Variants in SPSB1 observed in about 807,000 individuals in gnomAD.
The protein encoded by SPSB1 is SPRY domain-containing SOCS box protein 1.
In SPSB1, 8 loss-of-function variants were observed where a neutral mutation model predicts 21.2. The ratio of observed to expected loss-of-function variants is 0.38; its 90% CI spans 0.22 to 0.68. The LOEUF (loss-of-function observed/expected upper bound fraction) is 0.68. Among genes scored for constraint, SPSB1 ranks in the 30% least tolerant of loss-of-function variants. SPSB1 has a pLI of 0.53. For missense variants in SPSB1, 242 were observed against 377.8 expected, an observed-to-expected ratio of 0.64 and a Z score of 2.98; for synonymous variants, 169 against 161.7, an observed-to-expected ratio of 1.05 and a Z score of -0.34.
At chr1:9,365,833 G>A (rs1347877946) in intron 2 of SPSB1, among the ~76,000 whole-genome samples, 4 of 152,234 alleles carry the variant, frequency 2.6e-5, no homozygotes, top group Non-Finnish European at 5.9e-5. Context: ...GACCGTGGAT[G>A]AAGCCTCAGA....
In SPSB1 at chr1:9,356,958, A is replaced by G. The variant is rs1430650544; in HGVS notation, c.694+373A>G. Among the ~76,000 whole-genome samples the G allele has an allele frequency of 1.3e-5, 2 of 151,680 alleles. No individual in the cohort carries two copies. Among genetic ancestry groups the G allele is most frequent in the Non-Finnish European group, 2.9e-5 (2 of 68,036 alleles). ...TGGATTGATAGATAAGTGGTTGAAC[A>G]AACAGATGGATGGATGTGGGTGGAT... is the stretch of plus-strand genomic sequence containing the variant. On this transcript the variant is annotated intron_variant, in intron 2 of 2. Coordinates refer to ENST00000328089, the MANE Select transcript of SPSB1 (RefSeq NM_025106.4). The surrounding 1 kb of genome is among the most constrained non-coding windows in gnomAD (Gnocchi z 7.4).
intron 2 of SPSB1, among the ~76,000 whole-genome samples, chr1:9,359,149 C>G (rs1239408253): frequency 6.6e-6 from 1 of 152,226 alleles, no homozygotes; most frequent in African/African-American, 2.4e-5. Flanking sequence ...TTCCTCTCCA[C>G]CAGCATCAGA....
At chr1:9,361,169 T>TTTTTTTTTCTTTTTTTTTG (rs1557467341) in intron 2 of SPSB1, among the ~76,000 whole-genome samples, 1 of 142,308 alleles carries the variant, frequency 7.0e-6, no homozygotes, top group Non-Finnish European at 1.5e-5. Flanking sequence ...TTTTTTTTTT[T>TTTTTTTTTCTTTTTTTTTG]TTTTTTTTTT....
intron 1 of SPSB1, among the ~76,000 whole-genome samples, chr1:9,342,849 C>T (rs76405939): frequency 0.013 from 1,968 of 152,360 alleles, 46 homozygotes; most frequent in African/African-American, 0.044. Context: ...TGGACTGCAG[C>T]AATTCTGCTC....
rs1290897763 is a variant in SPSB1 at position 9,368,875 on chromosome 1, A to G, written c.*1300A>G. On this transcript the variant is annotated 3_prime_UTR_variant, in exon 3 of 3. Coordinates refer to ENST00000328089, the MANE Select transcript of SPSB1 (RefSeq NM_025106.4). The stretch of plus-strand genomic sequence containing the variant: ...AGAGGGGTAGCTCGGCTGCCGGAAG[A>G]GAGGGGTGCCCTATCCCTGGCAACC... The G allele has an allele frequency of 6.6e-6, 1 of 152,478 alleles. No homozygotes were observed. Among genetic ancestry groups the G allele is most frequent in the Non-Finnish European group, 1.5e-5 (1 of 68,030 alleles). The allele number at this position is 152,478 out of a possible 1,614,324, so 9.4% of individuals were successfully genotyped here.
intron 1 of SPSB1, among the ~76,000 whole-genome samples, chr1:9,298,275 A>G (rs910243835): frequency 6.6e-6 from 1 of 152,244 alleles, no homozygotes; most frequent in Admixed American, 6.5e-5. Flanking sequence ...AAAAAGTCTA[A>G]CTTGAATAAT....
Position 9,316,833 on chromosome 1 carries a change from C to T in SPSB1, c.-150+23762C>T, listed in dbSNP as rs375427938. Among the ~76,000 whole-genome samples, 12 of 152,328 alleles carry T rather than the reference C, an allele frequency of 7.9e-5. No individual in the cohort carries two copies. In the East Asian group the frequency reaches 2.3e-3, roughly 29 times the overall value. On this transcript the variant is annotated intron_variant, in intron 1 of 2. Coordinates refer to ENST00000328089, the MANE Select transcript of SPSB1 (RefSeq NM_025106.4). ...GTGGCTGGCTTTCCACCTCGGTTCT[C>T]CCTGCTCCTATGACCTGGCCGGACC...
At chr1:9,301,681 G>T (rs1028270827) in intron 1 of SPSB1, among the ~76,000 whole-genome samples, 3 of 152,232 alleles carry the variant, frequency 2.0e-5, no homozygotes, top group African/African-American at 4.8e-5. Context: ...CAGGAACAAA[G>T]TGGTCATGGT....
At chr1:9,294,418 T>C (rs907290844) in intron 1 of SPSB1, 1 of 152,352 alleles carries the variant, frequency 6.6e-6, no homozygotes, top group Non-Finnish European at 1.5e-5. Flanking sequence ...TCCTAGGTAC[T>C]GCTCCTCATG....
chr1:9,365,837 C>A (rs1640560628), intron 2 of SPSB1, among the ~76,000 whole-genome samples: 1 of 152,198 alleles, frequency 6.6e-6, no homozygotes, highest in Admixed American at 6.5e-5. Flanking sequence ...GTGGATGAAG[C>A]CTCAGATCCA....
chr1:9,323,050 A>G (rs1299347262), intron 1 of SPSB1, among the ~76,000 whole-genome samples: 5 of 152,120 alleles, frequency 3.3e-5, no homozygotes, highest in Non-Finnish European at 5.9e-5. Context: ...TCACTCTTTG[A>G]TGCTGGTGGT....
intron 1 of SPSB1, among the ~76,000 whole-genome samples, chr1:9,302,352 C>T (rs1164922999): frequency 6.6e-6 from 1 of 152,206 alleles, no homozygotes; most frequent in Non-Finnish European, 1.5e-5. Flanking sequence ...GACAGGGAAG[C>T]CCAGTGGTTT....
chr1:9,312,063 A>G (rs910244124), intron 1 of SPSB1, among the ~76,000 whole-genome samples: 1 of 151,370 alleles, frequency 6.6e-6, no homozygotes, highest in African/African-American at 2.4e-5. Context: ...AGCTCACTGC[A>G]CCTCAAACTC....
intron 1 of SPSB1, among the ~76,000 whole-genome samples, chr1:9,322,397 C>G (rs1290073547): frequency 1.3e-5 from 2 of 152,188 alleles, no homozygotes; most frequent in Non-Finnish European, 2.9e-5. Flanking sequence ...GTGCCTCGCT[C>G]TCATTTTTGC....
Position 9,305,634 on chromosome 1 carries a change from C to T in SPSB1, c.-150+12563C>T, listed in dbSNP as rs966877409. ...TCACGGAACTAAACTGCCAGGTGTT[C>T]CGTTCTCAGACCAGACTTCCTTCCA... On this transcript the variant is annotated intron_variant, in intron 1 of 2. Transcript: ENST00000328089. This position sits in a 1 kb window ranked among gnomAD's most constrained non-coding sequence, Gnocchi z 4.8. Among the ~76,000 whole-genome samples, 1 of 152,186 alleles carries T rather than the reference C, an allele frequency of 6.6e-6. No individual in the cohort carries two copies. The highest frequency in any genetic ancestry group is 2.1e-4 in the South Asian group (1 of 4,826).
intron 1 of SPSB1, among the ~76,000 whole-genome samples, chr1:9,296,319 C>T (rs960574104): frequency 5.9e-5 from 9 of 152,152 alleles, no homozygotes; most frequent in Admixed American, 5.9e-4. Context: ...GGTCTCGCGG[C>T]AAGGGAATGG....
chr1:9,350,845 T>C (rs1356235447), intron 1 of SPSB1, among the ~76,000 whole-genome samples: 1 of 152,232 alleles, frequency 6.6e-6, no homozygotes, highest in Non-Finnish European at 1.5e-5. Flanking sequence ...CATTTGCTTC[T>C]CAGAGCAGCA....
chr1:9,336,950 A>G (rs1342566237), intron 1 of SPSB1, among the ~76,000 whole-genome samples: 1 of 152,096 alleles, frequency 6.6e-6, no homozygotes, highest in East Asian at 1.9e-4. Flanking sequence ...GTCCCCACTG[A>G]GGGGCCGCTT....
chr1:9,329,663 A>C (rs1469151687), intron 1 of SPSB1, among the ~76,000 whole-genome samples: 1 of 150,936 alleles, frequency 6.6e-6, no homozygotes, highest in Admixed American at 6.6e-5. Context: ...ACTGCACTCC[A>C]GCCTGGGTGA....
Sources: allele counts gnomAD v4.1 joint callset (sites outside exome capture counted in the v4.1 genomes callset), GRCh38; gene constraint gnomAD v4.1.1; non-coding constraint Gnocchi (gnomAD v3.1); transcripts MANE v1.5; gene names NCBI Gene and HGNC (gene_info 2026-07-23, HGNC 2026-07-21).